The following AIG1 variants were observed in gnomAD, a reference collection of about 807,000 sequenced individuals.
AIG1 encodes the protein androgen-induced gene 1 protein.
Under a neutral mutation model 31.4 loss-of-function variants are expected in AIG1, and 23 were observed. That is an observed-to-expected ratio of 0.73 (90% confidence interval 0.53 to 1.04). The LOEUF is 1.04. AIG1 is among the 50% of genes least tolerant of loss of function. The pLI, the probability that AIG1 is intolerant of heterozygous loss-of-function variation, is 0.00. For missense variants in AIG1, 274 were observed against 295.0 expected (o/e 0.93, Z 0.52); for synonymous variants, 100 against 110.5 (o/e 0.90, Z 0.60).
rs1795279353 is a variant in AIG1 at position 143,254,943 on chromosome 6, G to A, written c.400-29167G>A. ...GTCCCAGCTGTCGGGAGGCTGAGGT[G>A]GGAGGATCACCTGAGCCCCAGGAGG... On this transcript the variant is annotated intron_variant, in intron 3 of 5. Coordinates refer to ENST00000357847, the MANE Select transcript of AIG1 (RefSeq NM_016108.4). 1.3e-5 allele frequency among the ~76,000 whole-genome samples: 2 copies of A among 152,104 alleles called. 1 individual carries two copies. The highest frequency in any genetic ancestry group is 4.1e-4 in the South Asian group (2 of 4,820).
rs982294654 is a variant in AIG1 at position 143,309,058 on chromosome 6, A to T, written c.516-24224A>T. On this transcript the variant is annotated intron_variant, in intron 4 of 5. Transcript: ENST00000357847. ...GGGGGGCTTCCTTTTACTTATAGAGAAAGAGGATAAGAATTATAATATACT... is the reference window on the plus strand; with the variant it reads ...GGGGGGCTTCCTTTTACTTATAGAGTAAGAGGATAAGAATTATAATATACT... Among the ~76,000 whole-genome samples, 3 of 152,142 alleles carry T rather than the reference A, an allele frequency of 2.0e-5. No homozygotes were observed. In the East Asian group the frequency reaches 5.8e-4, roughly 29 times the overall value.
chr6:143,184,673 G>A (rs1396444694), intron 3 of AIG1, among the ~76,000 whole-genome samples: 1 of 152,172 alleles, frequency 6.6e-6, no homozygotes, highest in Admixed American at 6.5e-5. Context: ...TCTCTCAGCT[G>A]AACTGAGGCA....
rs1439316327 is a variant in AIG1, at chr6:143,331,646, G to GTA, written c.516-1630_516-1629dup. 6.6e-6 allele frequency among the ~76,000 whole-genome samples: 1 copy of GTA among 151,774 alleles called. No individual in the cohort carries two copies. The highest frequency in any genetic ancestry group is 1.5e-5 in the Non-Finnish European group (1 of 67,952). On this transcript the variant is annotated intron_variant, in intron 4 of 5. Transcript: ENST00000357847. The surrounding 1 kb of genome is among the most constrained non-coding windows in gnomAD (Gnocchi z 4.1). ...TACATATATGTACATCTGTGTGTGT[G>GTA]TATATATGTGTGTGTGTATATGTGT...
At chr6:143,096,856 T>C (rs1278747783) in intron 1 of AIG1, among the ~76,000 whole-genome samples, 1 of 152,242 alleles carries the variant, frequency 6.6e-6, no homozygotes. Flanking sequence ...TCATTGATAC[T>C]GTAATACAAT....
At chr6:143,202,494 A>G (rs928866015) in intron 3 of AIG1, among the ~76,000 whole-genome samples, 1 of 152,226 alleles carries the variant, frequency 6.6e-6, no homozygotes, top group Non-Finnish European at 1.5e-5. Flanking sequence ...AACTTAAAAA[A>G]ATTCTTTAAT....
chr6:143,250,897 A>G (rs991888401), intron 3 of AIG1, among the ~76,000 whole-genome samples: 2 of 152,164 alleles, frequency 1.3e-5, no homozygotes, highest in African/African-American at 2.4e-5. Flanking sequence ...CATTTTTCCA[A>G]TGTGGCCCAA....
In AIG1 at chr6:143,334,760, G is replaced by A. The variant is rs534019341; in HGVS notation, c.679+1315G>A. On this transcript the variant is annotated intron_variant, in intron 5 of 5. Coordinates refer to ENST00000357847, the MANE Select transcript of AIG1 (RefSeq NM_016108.4). The surrounding 1 kb of genome is among the most constrained non-coding windows in gnomAD (Gnocchi z 5.1). ...AGAAAAACTGTATTTAAACTTAAAC[G>A]AATGTGTCCAATATATGTTATTCAG... Among the ~76,000 whole-genome samples the A allele has an allele frequency of 2.7e-4, 41 of 152,188 alleles. No homozygotes were observed. The highest frequency in any genetic ancestry group is 9.2e-4 in the African/African-American group (38 of 41,528).
chr6:143,138,822 G>A (rs1783999006), intron 2 of AIG1, among the ~76,000 whole-genome samples: 1 of 151,608 alleles, frequency 6.6e-6, no homozygotes, highest in East Asian at 1.9e-4. Context: ...GAACCTGGGA[G>A]GTGGAGGTTG....
chr6:143,121,740 T>C (rs1437084484), intron 1 of AIG1, among the ~76,000 whole-genome samples: 1 of 152,258 alleles, frequency 6.6e-6, no homozygotes, highest in Non-Finnish European at 1.5e-5. Flanking sequence ...TTTCAAATAA[T>C]GTTATTGTTA....
intron 1 of AIG1, among the ~76,000 whole-genome samples, chr6:143,111,586 G>A (rs541709698): frequency 6.6e-6 from 1 of 152,258 alleles, no homozygotes; most frequent in South Asian, 2.1e-4. Context: ...TCAGTCTTCT[G>A]ACGTTTTTGA....
At chr6:143,067,034 G>A (rs1776778204) in intron 1 of AIG1, among the ~76,000 whole-genome samples, 1 of 152,106 alleles carries the variant, frequency 6.6e-6, no homozygotes, top group Admixed American at 6.5e-5. Flanking sequence ...GGGGGTGCTT[G>A]CATGTGCCTG....
At chr6:143,312,998 C>T (rs1290791428) in intron 4 of AIG1, among the ~76,000 whole-genome samples, 2 of 152,082 alleles carry the variant, frequency 1.3e-5, no homozygotes, top group African/African-American at 4.8e-5. Flanking sequence ...ATCAAAACTA[C>T]AGTGAGATAC....
In AIG1 at chr6:143,315,009, C is replaced by A. The variant is rs1350323450; in HGVS notation, c.516-18273C>A. Among the ~76,000 whole-genome samples, 25 of 152,068 alleles carry A rather than the reference C, an allele frequency of 1.6e-4. 1 individual carries two copies. Among genetic ancestry groups the A allele is most frequent in the Admixed American group, 1.6e-3 (24 of 15,248 alleles). On this transcript the variant is annotated intron_variant, in intron 4 of 5. Coordinates refer to ENST00000357847, the MANE Select transcript of AIG1 (RefSeq NM_016108.4). ...AACTGTTGGAGAATGATGTTAATAT[C>A]ACATGTAGGAATGCTACATTTTCTA...
At chr6:143,096,467 C>G (rs187876846) in intron 1 of AIG1, among the ~76,000 whole-genome samples, 2 of 152,284 alleles carry the variant, frequency 1.3e-5, no homozygotes, top group Admixed American at 1.3e-4. Flanking sequence ...AAATTGCAGT[C>G]TAATTTAGGC....
At chr6:143,081,457 G>C (rs950475955) in intron 1 of AIG1, among the ~76,000 whole-genome samples, 4 of 151,506 alleles carry the variant, frequency 2.6e-5, no homozygotes, top group Non-Finnish European at 5.9e-5. Context: ...AAAGTACCCA[G>C]ATTAGTAGAT....
intron 3 of AIG1, among the ~76,000 whole-genome samples, chr6:143,261,691 C>T (rs985336098): frequency 6.6e-6 from 1 of 152,136 alleles, no homozygotes; most frequent in East Asian, 1.9e-4. Flanking sequence ...ACTGAATCAA[C>T]ACCAGCCTAT....
At chr6:143,173,363 A>G (rs966134849) in intron 3 of AIG1, among the ~76,000 whole-genome samples, 7 of 152,172 alleles carry the variant, frequency 4.6e-5, no homozygotes, top group Admixed American at 4.6e-4. Context: ...GCGCCTAGAC[A>G]GCCACCATGG....
At chr6:143,233,332 A>T (rs1358677105) in intron 3 of AIG1, among the ~76,000 whole-genome samples, 1 of 152,102 alleles carries the variant, frequency 6.6e-6, no homozygotes, top group African/African-American at 2.4e-5. Flanking sequence ...AGATTATATG[A>T]CCTTGGGTGA....
At chr6:143,301,597 T>C (rs996674331) in intron 4 of AIG1, among the ~76,000 whole-genome samples, 2 of 152,190 alleles carry the variant, frequency 1.3e-5, no homozygotes, top group Non-Finnish European at 2.9e-5. Flanking sequence ...TACGTCCTTC[T>C]TCACATGGCG....
Sources: allele counts gnomAD v4.1 joint callset (sites outside exome capture counted in the v4.1 genomes callset), GRCh38; gene constraint gnomAD v4.1.1; non-coding constraint Gnocchi (gnomAD v3.1); transcripts MANE v1.5; gene names NCBI Gene and HGNC (gene_info 2026-07-23, HGNC 2026-07-21).